The following RAPGEF4 variants were observed in gnomAD, a reference collection of about 807,000 sequenced individuals.
RAPGEF4 encodes RAP guanine-nucleotide-exchange factor (GEF) 4.
Under a neutral mutation model 147.9 loss-of-function variants are expected in RAPGEF4, and 66 were observed. The observed-to-expected ratio is 0.45, with a 90% CI of 0.37 to 0.55. The LOEUF (loss-of-function observed/expected upper bound fraction) is 0.55. Among genes scored for constraint, RAPGEF4 ranks in the 20% least tolerant of loss-of-function variants. The pLI is 0.00. For synonymous variants in RAPGEF4, 419 were observed against 442.7 expected (o/e 0.95, Z 0.67); for missense variants, 1,071 against 1,257.3 (o/e 0.85, Z 2.24).
At chr2:172,909,152 C>T (rs1251444664) in intron 4 of RAPGEF4, among the ~76,000 whole-genome samples, 1 of 152,170 alleles carries the variant, frequency 6.6e-6, no homozygotes, top group African/African-American at 2.4e-5. Context: ...ACCTGCTGCA[C>T]AAGCCACCCA....
intron 1 of RAPGEF4, among the ~76,000 whole-genome samples, chr2:172,788,343 A>G (rs1480054318): frequency 1.3e-5 from 2 of 152,238 alleles, no homozygotes; most frequent in African/African-American, 4.8e-5. Flanking sequence ...GATGTTATCA[A>G]TTGGATTTCA....
intron 8 of RAPGEF4, 106 bp downstream of exon 8, chr2:172,961,334 T>A: frequency 1.2e-6 from 1 of 861,348 alleles, no homozygotes. Flanking sequence ...GCCCATTTTG[T>A]AATGCCTTCA....
intron 4 of RAPGEF4, among the ~76,000 whole-genome samples, chr2:172,897,683 T>C (rs962403859): frequency 3.3e-5 from 5 of 150,620 alleles, no homozygotes; most frequent in Admixed American, 1.3e-4. Context: ...ATTACAGGCA[T>C]GAGCCACCAT....
At position 172,996,529 on chromosome 2, in the gene RAPGEF4, T is replaced by C; in HGVS notation, c.1554T>C (p.Leu518=). 1 of 1,588,552 alleles carries C rather than the reference T, an allele frequency of 6.3e-7. No homozygotes were observed. Among genetic ancestry groups the C allele is most frequent in the South Asian group, 1.2e-5 (1 of 85,876 alleles). ...AGCATTTTCTAGAAACAATACGCCTTGAGGCAACTTTAAATGAAGCAACAG... is the reference window on the plus strand; with the variant it reads ...AGCATTTTCTAGAAACAATACGCCTCGAGGCAACTTTAAATGAAGCAACAG... The part of the protein sequence containing the change: ...ILEHFLETIR[L]EATLNEATDS... The change falls in exon 16 of 31, where the codon CTT becomes CTC. Residue 518 remains leucine (L), a synonymous_variant. Coordinates refer to ENST00000397081, the MANE Select transcript of RAPGEF4 (RefSeq NM_007023.4).
intron 4 of RAPGEF4, chr2:172,860,015 C>G (rs1693850334): frequency 1.0e-6 from 1 of 985,190 alleles, no homozygotes; most frequent in Non-Finnish European, 1.2e-6. Context: ...GGACAACAAC[C>G]CTGCTCTGTT....
chr2:172,848,824 A>C (rs114572470), intron 4 of RAPGEF4, among the ~76,000 whole-genome samples: 2,144 of 152,270 alleles, frequency 0.014, 28 homozygotes, highest in Admixed American at 0.026. Flanking sequence ...AGGTACCAAG[A>C]TATCTTCCTG....
chr2:172,792,211 C>T (rs1685896240), intron 1 of RAPGEF4, among the ~76,000 whole-genome samples: 1 of 152,238 alleles, frequency 6.6e-6, no homozygotes, highest in African/African-American at 2.4e-5. Flanking sequence ...CTGCCAGCTG[C>T]TGCTGTCCTT....
chr2:172,898,625 GGTAT>G (rs1436214962), intron 4 of RAPGEF4, among the ~76,000 whole-genome samples: 3 of 152,118 alleles, frequency 2.0e-5, no homozygotes, highest in Non-Finnish European at 2.9e-5. Flanking sequence ...CCTGGAGGAG[GGTAT>G]AGAGGACAAA....
chr2:172,923,685 G>C (rs913729836), intron 6 of RAPGEF4, among the ~76,000 whole-genome samples: 3 of 152,182 alleles, frequency 2.0e-5, no homozygotes, highest in African/African-American at 7.2e-5. Context: ...TACTTGATTT[G>C]TCTAAACATC....
At chr2:172,758,024 C>A (rs534572163) in intron 1 of RAPGEF4, among the ~76,000 whole-genome samples, 3 of 151,736 alleles carry the variant, frequency 2.0e-5, no homozygotes, top group Admixed American at 1.3e-4. Context: ...GAAGAAAAAA[C>A]CCCAAAAAAC....
intron 6 of RAPGEF4, among the ~76,000 whole-genome samples, chr2:172,930,288 T>C (rs968916896): frequency 5.3e-5 from 8 of 152,176 alleles, no homozygotes; most frequent in African/African-American, 1.9e-4. Flanking sequence ...CCATAGGCAT[T>C]CCAGTGTCCC....
At chr2:172,899,754 A>G (rs942851776) in intron 4 of RAPGEF4, among the ~76,000 whole-genome samples, 3 of 152,298 alleles carry the variant, frequency 2.0e-5, no homozygotes, top group Admixed American at 6.5e-5. Context: ...GCTCTGGGTC[A>G]GCTGTGAAGG....
intron 4 of RAPGEF4, chr2:172,814,860 C>A (rs1688352215): frequency 4.1e-6 from 1 of 246,234 alleles, no homozygotes. Context: ...AATGATGCGC[C>A]CTATAATAAG....
intron 1 of RAPGEF4, among the ~76,000 whole-genome samples, chr2:172,765,699 A>G (rs1696769997): frequency 6.6e-6 from 1 of 152,228 alleles, no homozygotes. Flanking sequence ...GACCTTAGGA[A>G]CATCAGATAT....
At chr2:173,013,226 C>T (rs1458941815) in intron 17 of RAPGEF4, among the ~76,000 whole-genome samples, 1 of 152,196 alleles carries the variant, frequency 6.6e-6, no homozygotes, top group Non-Finnish European at 1.5e-5. Flanking sequence ...CAGTTTTCTA[C>T]GTCTTTCAAG....
Position 173,017,410 on chromosome 2 carries a change from G to A in RAPGEF4, c.1930-16G>A, listed in dbSNP as rs747613761. The stretch of plus-strand genomic sequence containing the variant: ...GTCACTGTCCCTTATGGCACTTGCT[G>A]TGGTTGTTTTTACAGCACAAGGTTC... On this transcript the variant is annotated splice_polypyrimidine_tract_variant and intron_variant, in intron 20 of 30. Coordinates refer to ENST00000397081, the MANE Select transcript of RAPGEF4 (RefSeq NM_007023.4). 1.9e-5 allele frequency: 31 copies of A among 1,611,780 alleles called. No homozygotes were observed. The Admixed American group carries it at 3.3e-4, about 17-fold the overall frequency.
In RAPGEF4 at chr2:172,834,884, A is replaced by C. The variant is rs557022207; in HGVS notation, c.444+20459A>C. Among the ~76,000 whole-genome samples the C allele has an allele frequency of 3.2e-4, 48 of 152,184 alleles. No individual in the cohort carries two copies. In the South Asian group the frequency reaches 9.5e-3, roughly 30 times the overall value. On this transcript the variant is annotated intron_variant, in intron 4 of 30. Transcript: ENST00000397081. ...GTTCTCTTTCTTTGATTTTTTTCTT[A>C]GGTGAAATATTACATTTTGTTTTCC...
At chr2:172,917,951 C>A in intron 5 of RAPGEF4, 77 bp downstream of exon 5, 1 of 1,195,266 alleles carries the variant, frequency 8.4e-7, no homozygotes, top group African/African-American at 1.5e-5. Context: ...AAAAATATGT[C>A]CTACACCAGC....
At chr2:172,747,328 T>A (rs1182606838) in intron 1 of RAPGEF4, among the ~76,000 whole-genome samples, 1 of 152,220 alleles carries the variant, frequency 6.6e-6, no homozygotes, top group Non-Finnish European at 1.5e-5. Flanking sequence ...TCACCTCATA[T>A]AGTTACCTAG....
Sources: allele counts gnomAD v4.1 joint callset (sites outside exome capture counted in the v4.1 genomes callset), GRCh38; gene constraint gnomAD v4.1.1; transcripts MANE v1.5; gene names NCBI Gene and HGNC (gene_info 2026-07-23, HGNC 2026-07-21).